PPP1R9A: variants seen among roughly 807,000 people sequenced by gnomAD.
PPP1R9A encodes neurabin-1.
A neutral mutation model predicts 141.9 loss-of-function variants in PPP1R9A; 59 were observed. The observed-to-expected ratio is 0.42, with a 90% CI of 0.34 to 0.52. PPP1R9A has a LOEUF of 0.52. Ranked by LOEUF, PPP1R9A falls within the 20% of genes least tolerant of loss-of-function variation. The probability of loss-of-function intolerance (pLI) is 0.10; values close to 1 mark genes in which losing one functional copy is unlikely to be tolerated. For synonymous variants in PPP1R9A, 500 were observed against 569.7 expected (o/e 0.88, Z 1.74); for missense variants, 1,444 against 1,611.9 (o/e 0.90, Z 1.78).
At chr7:95,017,980 T>G (rs1231939465) in intron 2 of PPP1R9A, among the ~76,000 whole-genome samples, 1 of 152,174 alleles carries the variant, frequency 6.6e-6, no homozygotes, top group Non-Finnish European at 1.5e-5. Flanking sequence ...GAGTCTGGAT[T>G]TGTTTTCTTT....
At chr7:95,031,022 A>C (rs1807599571) in intron 2 of PPP1R9A, among the ~76,000 whole-genome samples, 1 of 152,132 alleles carries the variant, frequency 6.6e-6, no homozygotes, top group Admixed American at 6.6e-5. Context: ...GGAAAGGGGT[A>C]GTTGGGCCCT....
At chr7:95,009,145 C>T (rs1264208875) in intron 2 of PPP1R9A, among the ~76,000 whole-genome samples, 1 of 151,794 alleles carries the variant, frequency 6.6e-6, no homozygotes, top group Non-Finnish European at 1.5e-5. Flanking sequence ...ACACCGGGGC[C>T]TGTCATGGGG....
chr7:94,961,970 C>A (rs1563052222), intron 2 of PPP1R9A, among the ~76,000 whole-genome samples: 1 of 151,726 alleles, frequency 6.6e-6, no homozygotes, highest in Non-Finnish European at 1.5e-5. Context: ...TGTATTGAAT[C>A]TACTTTTTGA....
intron 7 of PPP1R9A, among the ~76,000 whole-genome samples, chr7:95,216,034 T>C (rs1269531848): frequency 6.6e-6 from 1 of 152,190 alleles, no homozygotes; most frequent in East Asian, 1.9e-4. Flanking sequence ...GTATTAGACA[T>C]GAAGTCCTTG....
At chr7:95,206,656 A>T (rs566498241) in intron 7 of PPP1R9A, among the ~76,000 whole-genome samples, 1 of 152,206 alleles carries the variant, frequency 6.6e-6, no homozygotes, top group Non-Finnish European at 1.5e-5. Context: ...TAATTTCTCC[A>T]ATTCTAGAAT....
At chr7:94,949,566 G>C (rs896952624) in intron 2 of PPP1R9A, among the ~76,000 whole-genome samples, 5 of 152,070 alleles carry the variant, frequency 3.3e-5, no homozygotes, top group Non-Finnish European at 5.9e-5. Context: ...ACTTACTTTA[G>C]AGACTATGAA....
intron 8 of PPP1R9A, among the ~76,000 whole-genome samples, chr7:95,239,197 CATT>C (rs1797112321): frequency 6.6e-6 from 1 of 152,060 alleles, no homozygotes; most frequent in African/African-American, 2.4e-5. Context: ...AATTATACCT[CATT>C]GTTGTATTTT....
intron 3 of PPP1R9A, among the ~76,000 whole-genome samples, 178 bp from the exon 4 acceptor site, chr7:95,120,534 A>G (rs903965732): frequency 6.6e-6 from 1 of 152,230 alleles, no homozygotes; most frequent in Non-Finnish European, 1.5e-5. Context: ...CTTTTGGAGG[A>G]TCTCATTAGA....
chr7:94,950,960 C>T (rs947401889), intron 2 of PPP1R9A, among the ~76,000 whole-genome samples: 1 of 152,082 alleles, frequency 6.6e-6, no homozygotes, highest in Non-Finnish European at 1.5e-5. Context: ...GTTGCCCAGG[C>T]TGGTCTCGAA....
intron 3 of PPP1R9A, among the ~76,000 whole-genome samples, chr7:95,116,139 C>T (rs1563258315): frequency 6.6e-6 from 1 of 151,940 alleles, no homozygotes. Flanking sequence ...TGGAAGCTGC[C>T]TAAATTTATG....
At chr7:95,143,231 T>C (rs1827013289) in intron 4 of PPP1R9A, among the ~76,000 whole-genome samples, 1 of 152,192 alleles carries the variant, frequency 6.6e-6, no homozygotes, top group African/African-American at 2.4e-5. Context: ...CTATTAGTTA[T>C]TAGTTGCTTA....
chr7:95,058,732 G>A lies in PPP1R9A; in HGVS notation c.1396-52527G>A, dbSNP rs552578626. 6.2e-4 allele frequency among the ~76,000 whole-genome samples: 95 copies of A among 152,198 alleles called. 1 individual carries two copies. Among genetic ancestry groups the A allele is most frequent in the African/African-American group, 2.2e-3 (93 of 41,540 alleles). ...AAGGGATGGGAGTGGGATCGGGGGT[G>A]GAGCGGGGTGGAGTAGGGAGAAGGT... On this transcript the variant is annotated intron_variant, in intron 2 of 19. Transcript: ENST00000433360.
chr7:95,262,979 C>T (rs1447535172), intron 12 of PPP1R9A, among the ~76,000 whole-genome samples: 1 of 152,100 alleles, frequency 6.6e-6, no homozygotes, highest in Non-Finnish European at 1.5e-5. Flanking sequence ...TAACTGAAAG[C>T]TAAGCCATAG....
intron 2 of PPP1R9A, among the ~76,000 whole-genome samples, chr7:94,967,662 G>C (rs1046246174): frequency 4.6e-5 from 7 of 152,052 alleles, no homozygotes; most frequent in African/African-American, 9.7e-5. Context: ...TTGAGGTGGA[G>C]TCTTGCTCTG....
At chr7:94,918,910 C>T (rs1419140215) in intron 2 of PPP1R9A, among the ~76,000 whole-genome samples, 1 of 152,108 alleles carries the variant, frequency 6.6e-6, no homozygotes, top group South Asian at 2.1e-4. Flanking sequence ...GTGGGAGCAA[C>T]AAATGCTATC....
chr7:95,132,901 CAG>C lies in PPP1R9A; in HGVS notation c.1649+12074_1649+12075del, dbSNP rs1267812473. Among the ~76,000 whole-genome samples, 8 of 152,266 alleles carry C rather than the reference CAG, an allele frequency of 5.3e-5. No homozygotes were observed. The East Asian group carries it at 1.4e-3, about 26-fold the overall frequency. Reference sequence around the variant, plus strand: ...CCCAAGTGCTGTTACAGCTCTCACCCAGAGAGTCCCAAGGTCTGAGATCCCCA... The same window carrying C: ...CCCAAGTGCTGTTACAGCTCTCACCCAGAGTCCCAAGGTCTGAGATCCCCA... On this transcript the variant is annotated intron_variant, in intron 4 of 19. Coordinates refer to ENST00000433360, the MANE Select transcript of PPP1R9A (RefSeq NM_001166160.2).
intron 7 of PPP1R9A, among the ~76,000 whole-genome samples, chr7:95,219,697 GCAT>G (rs949436391): frequency 3.4e-4 from 51 of 151,998 alleles, no homozygotes; most frequent in African/African-American, 1.1e-3. Context: ...GCTGGGCCAG[GCAT>G]CATTTTGGAT....
chr7:95,158,363 A>G (rs988547542), intron 4 of PPP1R9A, among the ~76,000 whole-genome samples: 2 of 152,206 alleles, frequency 1.3e-5, no homozygotes, highest in African/African-American at 4.8e-5. Context: ...TGCATTTTGA[A>G]GAAAACATAG....
chr7:95,268,534 C>G lies in PPP1R9A; in HGVS notation c.2666-16C>G, dbSNP rs780906530. 6.2e-7 allele frequency: 1 copy of G among 1,612,092 alleles called. No homozygotes were observed. The highest frequency in any genetic ancestry group is 1.1e-5 in the South Asian group (1 of 90,958). On this transcript the variant is annotated splice_polypyrimidine_tract_variant and intron_variant, in intron 12 of 19. Coordinates refer to ENST00000433360, the MANE Select transcript of PPP1R9A (RefSeq NM_001166160.2). The stretch of plus-strand genomic sequence containing the variant: ...TCCAAAGGTTTCTCTCACTGATTAT[C>G]TTTCAATATTCTTAGACTTGAATGA...
Sources: gnomAD v4.1 joint callset for allele counts (sites outside exome capture counted in the v4.1 genomes callset) on GRCh38, gnomAD v4.1.1 for gene constraint, MANE v1.5 for transcripts, NCBI Gene and HGNC (gene_info 2026-07-23, HGNC 2026-07-21) for gene names.